The following MPP4 variants were observed in gnomAD, a reference collection of about 807,000 sequenced individuals.
MPP4 encodes the protein MAGUK p55 subfamily member 4.
In MPP4, 91 loss-of-function variants were observed where a neutral mutation model predicts 98.3. That is an observed-to-expected ratio of 0.93 (90% CI 0.78 to 1.10). The LOEUF is 1.10. Ranked by LOEUF, MPP4 falls within the 50% of genes least tolerant of loss-of-function variation. MPP4 has a pLI of 0.00. For synonymous variants in MPP4, 261 were observed against 271.8 expected, an observed-to-expected ratio of 0.96 and a Z score of 0.39; for missense variants, 744 against 792.9, an observed-to-expected ratio of 0.94 and a Z score of 0.74.
chr2:201,660,206 A>C, intron 15 of MPP4, 126 bp downstream of exon 15: 1 of 930,912 alleles, frequency 1.1e-6, no homozygotes, highest in African/African-American at 1.7e-5. Context: ...TGAGGGGAAA[A>C]CCATAAACAA....
At chr2:201,666,526 A>G (rs1688180086) in intron 12 of MPP4, 154 bp from the exon 13 acceptor site, 2 of 526,868 alleles carry the variant, frequency 3.8e-6, no homozygotes, top group South Asian at 5.6e-5. Context: ...TTCGAGACCA[A>G]CTTGACCGAC....
At chr2:201,698,503 T>C in intron 1 of MPP4, 84 bp downstream of exon 1, 1 of 1,026,388 alleles carries the variant, frequency 9.7e-7, no homozygotes, top group Non-Finnish European at 1.3e-6. Context: ...ATTTATATCT[T>C]TAGCTATTAA....
intron 1 of MPP4, among the ~76,000 whole-genome samples, chr2:201,696,769 G>A (rs1009461914): frequency 6.6e-6 from 1 of 152,136 alleles, no homozygotes; most frequent in Non-Finnish European, 1.5e-5. Context: ...GCCAACTTCA[G>A]GGCTACCTAG....
Position 201,666,361 on chromosome 2 carries a change from T to C in MPP4, c.1024A>G (p.Lys342Glu). 1 of 1,554,782 alleles carries C rather than the reference T, an allele frequency of 6.4e-7. No homozygotes were observed. The highest frequency in any genetic ancestry group is 8.7e-7 in the Non-Finnish European group (1 of 1,149,498). The change falls in exon 13 of 22, where the codon AAG (lysine) becomes GAG (glutamate). Residue 342 changes from lysine to glutamate, a missense_variant. Physicochemically the swap from Lys to Glu is moderately conservative, Grantham distance 56. Coordinates refer to ENST00000409474, the MANE Select transcript of MPP4 (RefSeq NM_033066.3). ...GCTTCCACACATTTCTCATCAATCT[T>C]CATGTCATCTTCTATAAAAGAGTAT... ...SISMEEEDDM[K>E]IDEKCVEADE...
intron 5 of MPP4, 34 bp from the exon 6 acceptor site, chr2:201,686,084 C>T: frequency 6.2e-7 from 1 of 1,604,758 alleles, no homozygotes; most frequent in Non-Finnish European, 8.5e-7. Context: ...GAGCAAATGT[C>T]ACACATGGGC....
chr2:201,663,996 A>G (rs1688094750), intron 14 of MPP4, 85 bp downstream of exon 14: 4 of 990,100 alleles, frequency 4.0e-6, no homozygotes, highest in Non-Finnish European at 5.7e-6. Flanking sequence ...ATATTTAAAC[A>G]GTTATTATAA....
intron 21 of MPP4, among the ~76,000 whole-genome samples, chr2:201,647,125 G>GA (rs111275745): frequency 2.5e-4 from 38 of 151,952 alleles, no homozygotes; most frequent in Admixed American, 2.0e-3. Context: ...TACGCAACCG[G>GA]AAAAAAAATC....
chr2:201,661,330 G>A (rs1460470132), intron 14 of MPP4: 15 of 444,876 alleles, frequency 3.4e-5, no homozygotes, highest in Non-Finnish European at 5.0e-5. Context: ...ACTACAGACC[G>A]AAACTGAAGA....
Position 201,695,706 on chromosome 2 carries a change from C to T in MPP4, c.-100-1652G>A, listed in dbSNP as rs569890202. Among the ~76,000 whole-genome samples, 7 of 152,144 alleles carry T rather than the reference C, an allele frequency of 4.6e-5. No homozygotes were observed. In the South Asian group the frequency reaches 1.0e-3, roughly 23 times the overall value. ...ATATAAATACCCTCACTCTCTTGGC[C>T]CCTGTTAGAGCCAACAGGTTAAGAG... is the stretch of plus-strand genomic sequence containing the variant. On this transcript the variant is annotated intron_variant, in intron 1 of 21. Transcript: ENST00000409474.
intron 1 of MPP4, among the ~76,000 whole-genome samples, chr2:201,695,793 G>A (rs1299938011): frequency 6.6e-6 from 1 of 152,192 alleles, no homozygotes; most frequent in African/African-American, 2.4e-5. Flanking sequence ...CTTCGGATAG[G>A]AAGTGGAGGG....
At chr2:201,647,289 C>T (rs1185465746) in intron 21 of MPP4, among the ~76,000 whole-genome samples, 1 of 152,056 alleles carries the variant, frequency 6.6e-6, no homozygotes, top group Non-Finnish European at 1.5e-5. Flanking sequence ...ACACCAGGCT[C>T]ATACATGCCC....
intron 8 of MPP4, among the ~76,000 whole-genome samples, chr2:201,681,843 A>C (rs1344833305): frequency 6.6e-6 from 1 of 150,802 alleles, no homozygotes; most frequent in African/African-American, 2.5e-5. Flanking sequence ...CTACACTGAA[A>C]CAGAAACACC....
At chr2:201,664,697 G>A (rs1313881255) in intron 13 of MPP4, among the ~76,000 whole-genome samples, 1 of 152,188 alleles carries the variant, frequency 6.6e-6, no homozygotes, top group Non-Finnish European at 1.5e-5. Flanking sequence ...GAAATACATG[G>A]CAACATTACC....
intron 18 of MPP4, among the ~76,000 whole-genome samples, chr2:201,653,933 A>T (rs1051816991): frequency 6.6e-6 from 1 of 152,032 alleles, no homozygotes; most frequent in Non-Finnish European, 1.5e-5. Flanking sequence ...GTAAAGGGGG[A>T]GCTTAGGAGA....
At chr2:201,687,249 G>A in intron 5 of MPP4, 42 bp downstream of exon 5, 2 of 1,480,426 alleles carry the variant, frequency 1.4e-6, no homozygotes, top group Non-Finnish European at 1.8e-6. Flanking sequence ...CTTTGTCTAT[G>A]TGCCAGATGG....
At chr2:201,648,199 T>C (rs1687618929) in intron 20 of MPP4, among the ~76,000 whole-genome samples, 1 of 152,104 alleles carries the variant, frequency 6.6e-6, no homozygotes, top group African/African-American at 2.4e-5. Flanking sequence ...ATTTTTGTAT[T>C]TTTAGTAGAG....
At position 201,690,284 on chromosome 2, in the gene MPP4, A is replaced by G; in HGVS notation, c.202-5T>C. The stretch of plus-strand genomic sequence containing the variant: ...TTCCTGGAGGCAGTCATAAATCTGC[A>G]GAAGGACAAGGGAGGGAGAATTGAT... On this transcript the variant is annotated splice_polypyrimidine_tract_variant and splice_region_variant and intron_variant, in intron 3 of 21. Transcript: ENST00000409474. The G allele has an allele frequency of 6.3e-7, 1 of 1,588,266 alleles. No individual in the cohort carries two copies. Among genetic ancestry groups the G allele is most frequent in the Non-Finnish European group, 8.6e-7 (1 of 1,161,972 alleles).
intron 16 of MPP4, among the ~76,000 whole-genome samples, chr2:201,657,832 C>T (rs114398228): frequency 2.0e-4 from 30 of 152,094 alleles, no homozygotes; most frequent in African/African-American, 6.3e-4. Flanking sequence ...TGCACAGATG[C>T]CTTCTTCACC....
At chr2:201,645,556 CA>C (rs1311875574) in intron 21 of MPP4, among the ~76,000 whole-genome samples, 152 bp from the exon 22 acceptor site, 3 of 151,944 alleles carry the variant, frequency 2.0e-5, no homozygotes, top group Non-Finnish European at 4.4e-5. Context: ...AATAAAGTTT[CA>C]AAAATATTTT....
Sources: allele counts gnomAD v4.1 joint callset (sites outside exome capture counted in the v4.1 genomes callset), GRCh38; gene constraint gnomAD v4.1.1; transcripts MANE v1.5; gene names NCBI Gene and HGNC (gene_info 2026-07-23, HGNC 2026-07-21).